GTF2I: variants seen among roughly 807,000 people sequenced by gnomAD.
GTF2I encodes the protein general transcription factor II-I.
Under a neutral mutation model 67.6 loss-of-function variants are expected in GTF2I, and 12 were observed. That is an observed-to-expected ratio of 0.18 (90% confidence interval 0.11 to 0.29). The LOEUF (loss-of-function observed/expected upper bound fraction) is 0.29, where lower values mean the gene tolerates loss of function less well. Among genes scored for constraint, GTF2I ranks in the 10% least tolerant of loss-of-function variants. The pLI is 1.00. For missense variants in GTF2I, 271 were observed against 580.1 expected, an observed-to-expected ratio of 0.47 and a Z score of 5.47; for synonymous variants, 149 against 197.0, an observed-to-expected ratio of 0.76 and a Z score of 2.04.
chr7:74,665,960 T>C (rs782185996), intron 1 of GTF2I, among the ~76,000 whole-genome samples: 1 of 152,148 alleles, frequency 6.6e-6, no homozygotes, highest in Non-Finnish European at 1.5e-5. Flanking sequence ...CTGTCTTAGC[T>C]TCCCAAGTAG....
chr7:74,687,785 C>T (rs587626952), intron 1 of GTF2I, among the ~76,000 whole-genome samples: 4 of 152,264 alleles, frequency 2.6e-5, no homozygotes, highest in African/African-American at 4.8e-5. Flanking sequence ...AAGGAATACT[C>T]GGGTGTTGTC....
chr7:74,697,416 G>A (rs1789035888), intron 3 of GTF2I, among the ~76,000 whole-genome samples: 1 of 151,928 alleles, frequency 6.6e-6, no homozygotes. Flanking sequence ...ATTATTAATG[G>A]GATATTTGTC....
intron 1 of GTF2I, chr7:74,687,379 C>T (rs1787830393): frequency 6.5e-6 from 1 of 154,550 alleles, no homozygotes; most frequent in African/African-American, 2.4e-5. Context: ...TGCGTGCCAC[C>T]ATGCCCGGCT....
chr7:74,679,296 G>A (rs369207146), intron 1 of GTF2I, among the ~76,000 whole-genome samples: 201 of 151,890 alleles, frequency 1.3e-3, no homozygotes, highest in African/African-American at 4.2e-3. Context: ...GGCTGGTCTC[G>A]AATTCCTGAC....
chr7:74,702,873 C>T (rs1342535558), intron 6 of GTF2I, among the ~76,000 whole-genome samples: 1 of 152,002 alleles, frequency 6.6e-6, no homozygotes, highest in African/African-American at 2.4e-5. Flanking sequence ...GCTAGGACTA[C>T]AGGCGTGTGC....
chr7:74,658,205 G>T (rs1458568567), intron 1 of GTF2I, 137 bp downstream of exon 1: 3 of 150,544 alleles, frequency 2.0e-5, no homozygotes, highest in African/African-American at 7.3e-5. Context: ...CGCCGCGCGC[G>T]GTGTGGGGCC....
intron 1 of GTF2I, among the ~76,000 whole-genome samples, chr7:74,668,616 C>T (rs1325258957): frequency 2.0e-5 from 3 of 151,954 alleles, no homozygotes; most frequent in African/African-American, 7.3e-5. Flanking sequence ...CTCTGTCACC[C>T]AGGCTGGAGT....
intron 1 of GTF2I, among the ~76,000 whole-genome samples, chr7:74,661,922 C>T (rs1419683766): frequency 3.3e-5 from 5 of 152,124 alleles, no homozygotes; most frequent in South Asian, 2.1e-4. Flanking sequence ...AGTCGCAGCA[C>T]GGGCATTTGT....
At chr7:74,681,113 C>T (rs767600480) in intron 1 of GTF2I, among the ~76,000 whole-genome samples, 16 of 152,218 alleles carry the variant, frequency 1.1e-4, no homozygotes, top group Admixed American at 6.5e-5. Context: ...AGTCAAAAAA[C>T]GTTGAGAATA....
At chr7:74,673,680 C>CTTT (rs34307938) in intron 1 of GTF2I, among the ~76,000 whole-genome samples, 5 of 119,802 alleles carry the variant, frequency 4.2e-5, no homozygotes, top group Admixed American at 2.6e-4. Flanking sequence ...CGCCCGGCCT[C>CTTT]TTTTTTTTTT....
intron 1 of GTF2I, among the ~76,000 whole-genome samples, chr7:74,668,374 A>G (rs933832748): frequency 4.6e-5 from 7 of 151,178 alleles, no homozygotes; most frequent in Non-Finnish European, 8.8e-5. Context: ...AAGTATATAT[A>G]ATTATATTAT....
chr7:74,720,480 T>G (rs1209894268), intron 12 of GTF2I, among the ~76,000 whole-genome samples: 1 of 152,198 alleles, frequency 6.6e-6, no homozygotes, highest in African/African-American at 2.4e-5. Context: ...GATTTCTTTT[T>G]TCATAAATAT....
chr7:74,690,553 C>A (rs1278129293), intron 2 of GTF2I, among the ~76,000 whole-genome samples: 1 of 152,106 alleles, frequency 6.6e-6, no homozygotes, highest in Non-Finnish European at 1.5e-5. Flanking sequence ...GTACTGAGGG[C>A]ACTAATTGCC....
intron 1 of GTF2I, among the ~76,000 whole-genome samples, chr7:74,660,207 T>C (rs1470385509): frequency 2.0e-5 from 3 of 151,542 alleles, no homozygotes; most frequent in African/African-American, 7.3e-5. Flanking sequence ...GCTGCTGTTG[T>C]TGAGAGGGTT....
chr7:74,668,532 C>A (rs1164499149), intron 1 of GTF2I, among the ~76,000 whole-genome samples: 1 of 151,834 alleles, frequency 6.6e-6, no homozygotes, highest in Non-Finnish European at 1.5e-5. Context: ...GTTTTGATCT[C>A]ATTTCCATAC....
chr7:74,683,443 A>G (rs1285865846), intron 1 of GTF2I, among the ~76,000 whole-genome samples: 2 of 152,226 alleles, frequency 1.3e-5, no homozygotes, highest in Admixed American at 6.5e-5. Flanking sequence ...TAGCAAACAA[A>G]AACAGTTTGT....
intron 9 of GTF2I, among the ~76,000 whole-genome samples, chr7:74,713,200 T>C (rs1316638918): frequency 2.6e-5 from 4 of 152,188 alleles, no homozygotes; most frequent in Non-Finnish European, 5.9e-5. Context: ...TTAGCAATAT[T>C]GGAAGCCAAA....
At chr7:74,670,222 T>G (rs1805331616) in intron 1 of GTF2I, among the ~76,000 whole-genome samples, 1 of 152,224 alleles carries the variant, frequency 6.6e-6, no homozygotes, top group Non-Finnish European at 1.5e-5. Flanking sequence ...ATAACAACTT[T>G]GTAAGGTAAG....
intron 1 of GTF2I, among the ~76,000 whole-genome samples, chr7:74,676,598 A>C (rs1554392460): frequency 1.3e-5 from 2 of 152,230 alleles, no homozygotes; most frequent in Non-Finnish European, 2.9e-5. Context: ...AAAAAATTAA[A>C]TAGAAAACAT....
Sources: gnomAD v4.1 joint callset for allele counts (sites outside exome capture counted in the v4.1 genomes callset) on GRCh38, gnomAD v4.1.1 for gene constraint, MANE v1.5 for transcripts, NCBI Gene and HGNC (gene_info 2026-07-23, HGNC 2026-07-21) for gene names.